TRPM1: variants seen among roughly 807,000 people sequenced by gnomAD.
TRPM1 encodes transient receptor potential cation channel subfamily M member 1.
Under a neutral mutation model 149.4 loss-of-function variants are expected in TRPM1, and 113 were observed. The observed-to-expected ratio is 0.76, with a 90% CI of 0.65 to 0.88. The LOEUF is 0.88. Among genes scored for constraint, TRPM1 ranks in the 40% least tolerant of loss-of-function variants. TRPM1 has a pLI of 0.00. For synonymous variants in TRPM1, 741 were observed against 759.5 expected (o/e 0.98, Z 0.40); for missense variants, 1,976 against 2,038.7 (o/e 0.97, Z 0.59).
chr15:31,128,836 T>A (rs1167195799), intron 1 of TRPM1, among the ~76,000 whole-genome samples: 1 of 152,246 alleles, frequency 6.6e-6, no homozygotes, highest in African/African-American at 2.4e-5. Context: ...TCTTTACAAT[T>A]TTTGAACAGA....
chr15:31,153,837 G>A (rs1383827649), intron 1 of TRPM1, among the ~76,000 whole-genome samples: 1 of 152,194 alleles, frequency 6.6e-6, no homozygotes, highest in African/African-American at 2.4e-5. Flanking sequence ...CAAACTGATT[G>A]AGACTTGTCT....
intron 1 of TRPM1, among the ~76,000 whole-genome samples, chr15:31,123,434 A>G (rs984942550): frequency 6.6e-6 from 1 of 152,240 alleles, no homozygotes; most frequent in Non-Finnish European, 1.5e-5. Context: ...CACATTTGAT[A>G]AAGGACTTGT....
upstream of TRPM1, among the ~76,000 whole-genome samples, chr15:31,106,284 AC>A (rs968531345): frequency 1.3e-5 from 2 of 151,358 alleles, no homozygotes; most frequent in Non-Finnish European, 2.9e-5. Flanking sequence ...GACTACAGGT[AC>A]GTGCCACCAT....
At chr15:31,127,746 G>A (rs758104336) in intron 1 of TRPM1, among the ~76,000 whole-genome samples, 2 of 152,150 alleles carry the variant, frequency 1.3e-5, no homozygotes, top group Non-Finnish European at 2.9e-5. Context: ...TGGAGGGTGA[G>A]CATCTAGATC....
upstream of TRPM1, among the ~76,000 whole-genome samples, chr15:31,105,479 G>A (rs867832093): frequency 0.026 from 3,903 of 148,354 alleles, 192 homozygotes; most frequent in African/African-American, 0.093. Flanking sequence ...GTGTGCGCGC[G>A]CGCGCGCGTG....
intron 1 of TRPM1, among the ~76,000 whole-genome samples, chr15:31,088,802 T>G (rs12916008): frequency 0.41 from 60,932 of 149,216 alleles, 13,060 homozygotes; most frequent in East Asian, 0.81. Flanking sequence ...TTCTTTCTGC[T>G]GGGGGGATGC....
intron 24 of TRPM1, 134 bp downstream of exon 24, chr15:31,029,237 G>T: frequency 1.1e-6 from 1 of 898,248 alleles, no homozygotes; most frequent in Non-Finnish European, 1.8e-6. Context: ...TTTACTGACA[G>T]CTTAAAAAGT....
At chr15:31,029,665 C>T (rs1291903419) in intron 23 of TRPM1, among the ~76,000 whole-genome samples, 3 of 152,136 alleles carry the variant, frequency 2.0e-5, no homozygotes, top group Admixed American at 1.3e-4. Context: ...AGAGCAAAAG[C>T]TCACTAGTTA....
chr15:31,108,934 T>C (rs2035645353), intron 1 of TRPM1, among the ~76,000 whole-genome samples: 1 of 152,244 alleles, frequency 6.6e-6, no homozygotes, highest in Non-Finnish European at 1.5e-5. Context: ...GCTTCCTTGA[T>C]ATCCACAGTC....
At chr15:31,159,710 T>C (rs1230165554) in intron 1 of TRPM1, among the ~76,000 whole-genome samples, 1 of 152,202 alleles carries the variant, frequency 6.6e-6, no homozygotes, top group Non-Finnish European at 1.5e-5. Context: ...TCATGAGATG[T>C]CAGAGACTTG....
At chr15:31,146,987 C>CAA (rs111397647) in intron 1 of TRPM1, among the ~76,000 whole-genome samples, 1,387 of 136,784 alleles carry the variant, frequency 0.01, 18 homozygotes, top group African/African-American at 0.034. Flanking sequence ...AATTCTGTCT[C>CAA]AAAAAAAAAA....
chr15:31,026,169 C>T lies in TRPM1; in HGVS notation c.3599G>A (p.Ser1200Asn). 6.2e-7 allele frequency: 1 copy of T among 1,612,268 alleles called. No individual in the cohort carries two copies. The highest frequency in any genetic ancestry group is 8.5e-7 in the Non-Finnish European group (1 of 1,180,032). Residue 1200 changes from serine to asparagine, a missense_variant, in exon 27 of 28, where the codon AGC becomes AAC. By Grantham distance (46) the Ser-to-Asn change is conservative. Transcript: ENST00000256552. ...AGAAGTGACCCGGATGCGCTCGTCG[C>T]TGGACGACTGCTGCTCATCCTCCTT... ...REKEDEQQSS[S>N]DERIRVTSER... is the part of the protein sequence containing the mutation.
At chr15:31,114,480 C>T (rs1445083860) in intron 1 of TRPM1, among the ~76,000 whole-genome samples, 2 of 151,960 alleles carry the variant, frequency 1.3e-5, no homozygotes, top group South Asian at 4.2e-4. Context: ...TTTAGGAATC[C>T]CAATGAACTC....
chr15:31,009,496 T>C (rs1282678743), intron 27 of TRPM1, among the ~76,000 whole-genome samples: 1 of 152,202 alleles, frequency 6.6e-6, no homozygotes, highest in Non-Finnish European at 1.5e-5. Context: ...TCCCTCTGTC[T>C]TTAGTTTGTG....
At chr15:31,005,595 G>T (rs566921846) in intron 27 of TRPM1, among the ~76,000 whole-genome samples, 2 of 152,312 alleles carry the variant, frequency 1.3e-5, no homozygotes, top group South Asian at 4.1e-4. Flanking sequence ...TGGGTTCAGA[G>T]AAATTGTCAG....
chr15:31,099,122 T>C (rs1371246115), intron 1 of TRPM1, among the ~76,000 whole-genome samples: 1 of 152,188 alleles, frequency 6.6e-6, no homozygotes, highest in African/African-American at 2.4e-5. Context: ...TTTCCTGGAC[T>C]CTGCCTGCTC....
intron 2 of TRPM1, among the ~76,000 whole-genome samples, chr15:31,080,141 C>T (rs1224786511): frequency 6.6e-6 from 1 of 151,970 alleles, no homozygotes; most frequent in African/African-American, 2.4e-5. Flanking sequence ...GTGGAAAGTC[C>T]CTATTAAATG....
At chr15:31,159,382 T>C (rs2036417143) in intron 1 of TRPM1, among the ~76,000 whole-genome samples, 1 of 152,114 alleles carries the variant, frequency 6.6e-6, no homozygotes, top group African/African-American at 2.4e-5. Context: ...AAGAACAGTG[T>C]GGGCCAGCTT....
At chr15:31,089,855 G>C (rs1435058906) in intron 1 of TRPM1, among the ~76,000 whole-genome samples, 1 of 152,196 alleles carries the variant, frequency 6.6e-6, no homozygotes, top group African/African-American at 2.4e-5. Context: ...TGAGTAAGGG[G>C]ATAACTGTGC....
Sources: gnomAD v4.1 joint callset for allele counts (sites outside exome capture counted in the v4.1 genomes callset) on GRCh38, gnomAD v4.1.1 for gene constraint, MANE v1.5 for transcripts, NCBI Gene and HGNC (gene_info 2026-07-23, HGNC 2026-07-21) for gene names.